Variants in CCDC77 observed in about 807,000 individuals in gnomAD.
CCDC77 encodes the protein coiled-coil domain-containing protein 77.
A neutral mutation model predicts 66.8 loss-of-function variants in CCDC77; 56 were observed. The observed-to-expected ratio is 0.84, with a 90% CI of 0.68 to 1.05. CCDC77 has a LOEUF of 1.05. CCDC77 is among the 50% of genes least tolerant of loss of function. The probability of loss-of-function intolerance (pLI) is 0.00; values close to 1 mark genes in which losing one functional copy is unlikely to be tolerated. For synonymous variants in CCDC77, 196 were observed against 195.2 expected (o/e 1.00, Z -0.03); for missense variants, 570 against 576.8 (o/e 0.99, Z 0.12).
At chr12:395,284 T>C (rs1194697601) in intron 1 of CCDC77, 1 of 152,248 alleles carries the variant, frequency 6.6e-6, no homozygotes, top group Non-Finnish European at 1.5e-5. Flanking sequence ...AGAGAGGGTC[T>C]GGCTGTATTT....
intron 4 of CCDC77, among the ~76,000 whole-genome samples, chr12:418,128 G>C (rs1945321464): frequency 6.6e-6 from 1 of 152,184 alleles, no homozygotes; most frequent in African/African-American, 2.4e-5. Flanking sequence ...AGACTAGCCT[G>C]CCCAACATGG....
upstream of CCDC77, among the ~76,000 whole-genome samples, chr12:400,922 C>CTA (rs1944885895): frequency 6.6e-6 from 1 of 152,090 alleles, no homozygotes; most frequent in African/African-American, 2.4e-5. Flanking sequence ...AAAGTGCGAG[C>CTA]CTGTAGCAGA....
At chr12:415,324 C>CAACATATTATGTTAATATAATT (rs1945209116) in intron 4 of CCDC77, among the ~76,000 whole-genome samples, 1 of 80,840 alleles carries the variant, frequency 1.2e-5, no homozygotes, top group African/African-American at 6.3e-5. Context: ...TTAATATAAT[C>CAACATATTATGTTAATATAATT]AACATAATAT....
chr12:418,411 T>C (rs1945326960), intron 4 of CCDC77, 83 bp from the exon 5 acceptor site: 1 of 1,338,372 alleles, frequency 7.5e-7, no homozygotes, highest in South Asian at 1.3e-5. Flanking sequence ...TATTTCTACA[T>C]GAGTAGACTC....
At chr12:428,890 G>GT (rs1299737020) in intron 6 of CCDC77, 25 bp downstream of exon 6, 4 of 1,474,082 alleles carry the variant, frequency 2.7e-6, no homozygotes, top group Non-Finnish European at 3.8e-6. Flanking sequence ...GTGTAGCATG[G>GT]TGAGTGTGGC....
chr12:399,355 G>GA (rs776500062), upstream of CCDC77, among the ~76,000 whole-genome samples: 64 of 152,146 alleles, frequency 4.2e-4, no homozygotes, highest in Non-Finnish European at 8.2e-4. Context: ...ATTTCTAGTA[G>GA]AAACGGGGGT....
At chr12:424,894 G>A (rs1045611398) in intron 5 of CCDC77, among the ~76,000 whole-genome samples, 1 of 150,362 alleles carries the variant, frequency 6.7e-6, no homozygotes, top group African/African-American at 2.4e-5. Flanking sequence ...CATTTGTTGA[G>A]AAGACTTAGC....
At chr12:394,598 C>T (rs1944802721) in intron 1 of CCDC77, among the ~76,000 whole-genome samples, 2 of 152,214 alleles carry the variant, frequency 1.3e-5, no homozygotes, top group Admixed American at 1.3e-4. Flanking sequence ...ATACGAATTT[C>T]CACTGTGGCA....
At chr12:398,111 AGTT>A (rs770031082), upstream of CCDC77, among the ~76,000 whole-genome samples, 2 of 152,104 alleles carry the variant, frequency 1.3e-5, no homozygotes, top group South Asian at 4.1e-4. Context: ...ACAACAATGA[AGTT>A]GTTTTCATTC....
rs1591997875 is a variant in CCDC77, at chr12:441,117, C to T, written c.1320+121C>T. ...CCTGCTGGTAAACACTAACAGATCA[C>T]CATCTTCAAGCCTCCCTGAAAATTA... On this transcript the variant is annotated intron_variant, in intron 12 of 12. Coordinates refer to ENST00000239830, the MANE Select transcript of CCDC77 (RefSeq NM_032358.4). 5.9e-6 allele frequency: 6 copies of T among 1,024,524 alleles called. No individual in the cohort carries two copies. In the East Asian group the frequency reaches 1.5e-4, roughly 25 times the overall value. 63.5% of individuals were successfully genotyped at this position (1,024,524 alleles called of 1,614,324 possible). A position where few individuals can be genotyped will look rare whatever the true frequency, so the allele number is the denominator to read the frequency against.
At chr12:441,479 T>A (rs1283817550) in intron 12 of CCDC77, among the ~76,000 whole-genome samples, 1 of 152,220 alleles carries the variant, frequency 6.6e-6, no homozygotes, top group East Asian at 1.9e-4. Context: ...GCGCTTTCAT[T>A]CTGTGACAAA....
chr12:419,486 T>C (rs112142960), intron 5 of CCDC77, among the ~76,000 whole-genome samples: 1,586 of 31,142 alleles, frequency 0.051, 3 homozygotes, highest in Middle Eastern at 0.13. Context: ...ACACTCCATG[T>C]TCCATTACAG....
intron 6 of CCDC77, among the ~76,000 whole-genome samples, chr12:429,424 G>A (rs1351556230): frequency 6.7e-6 from 1 of 148,438 alleles, no homozygotes; most frequent in African/African-American, 2.5e-5. Flanking sequence ...ATCTGTATAC[G>A]TATACTTCTG....
intron 9 of CCDC77, chr12:433,590 CG>C (rs1256316308): frequency 3.4e-6 from 2 of 588,406 alleles, no homozygotes; most frequent in African/African-American, 1.9e-5. Flanking sequence ...GTTCTTAGGC[CG>C]GGTGCAGTGG....
intron 9 of CCDC77, among the ~76,000 whole-genome samples, chr12:434,483 G>T (rs1945711813): frequency 6.6e-6 from 1 of 151,766 alleles, no homozygotes; most frequent in African/African-American, 2.4e-5. Context: ...CTTCCAAGTA[G>T]CTGTGATTAC....
upstream of CCDC77, among the ~76,000 whole-genome samples, chr12:398,091 TTAAAA>T (rs1944851941): frequency 6.6e-6 from 1 of 152,338 alleles, no homozygotes; most frequent in Middle Eastern, 3.4e-3. Flanking sequence ...TGGCAATTTC[TTAAAA>T]TAAGACAACA....
In CCDC77 at chr12:438,358, T is replaced by A. The variant is rs777407278; in HGVS notation, c.845T>A (p.Leu282His). The A allele has an allele frequency of 1.2e-6, 2 of 1,613,934 alleles. No homozygotes were observed. Among genetic ancestry groups the A allele is most frequent in the Non-Finnish European group, 1.7e-6 (2 of 1,179,896 alleles). The change falls in exon 10 of 13, where the codon CTC becomes CAC. Residue 282 changes from leucine (L) to histidine (H), a missense_variant. Coordinates refer to ENST00000239830, the MANE Select transcript of CCDC77 (RefSeq NM_032358.4). ...AGTCTTCACCACACCCAAGAACTGC[T>A]CTATGAGAGCACCAAAGATTTTCTG... ...TKNLHHTQELLYESTKDFLQL... is the reference protein window; with the variant it reads ...TKNLHHTQELHYESTKDFLQL...
intron 3 of CCDC77, among the ~76,000 whole-genome samples, chr12:410,168 A>G (rs968638464): frequency 2.6e-5 from 4 of 152,178 alleles, no homozygotes; most frequent in African/African-American, 9.7e-5. Flanking sequence ...AGCTTCTGGT[A>G]TAGTTTCTCC....
rs1490069981 is a variant in CCDC77, at chr12:411,982, A to G, written c.270+4A>G. 1.9e-6 allele frequency: 3 copies of G among 1,603,662 alleles called. No individual in the cohort carries two copies. Among genetic ancestry groups the G allele is most frequent in the African/African-American group, 1.3e-5 (1 of 74,510 alleles). On this transcript the variant is annotated splice_donor_region_variant and intron_variant, in intron 4 of 12. Transcript: ENST00000239830. Reference sequence around the variant, plus strand: ...CAAAGAAGCTTGTGAAGGACAGGTAAAGAAACGATGCTGCTGCTTTAGAAC... The same window carrying G: ...CAAAGAAGCTTGTGAAGGACAGGTAGAGAAACGATGCTGCTGCTTTAGAAC...
Sources: allele counts gnomAD v4.1 joint callset (sites outside exome capture counted in the v4.1 genomes callset), GRCh38; gene constraint gnomAD v4.1.1; transcripts MANE v1.5; gene names NCBI Gene and HGNC (gene_info 2026-07-23, HGNC 2026-07-21).